IMMP2L: variants seen among roughly 807,000 people sequenced by gnomAD.
IMMP2L encodes the protein mitochondrial inner membrane protease subunit 2.
A neutral mutation model predicts 19.3 loss-of-function variants in IMMP2L; 18 were observed. The observed-to-expected ratio is 0.93, with a 90% confidence interval of 0.64 to 1.38. The LOEUF is 1.38. Among genes scored for constraint, IMMP2L ranks in the 40% most tolerant of loss-of-function variants. The pLI, the probability that IMMP2L is intolerant of heterozygous loss-of-function variation, is 0.00. For synonymous variants in IMMP2L, 76 were observed against 73.0 expected, an observed-to-expected ratio of 1.04 and a Z score of -0.21; for missense variants, 233 against 218.2, an observed-to-expected ratio of 1.07 and a Z score of -0.43.
chr7:111,449,145 T>C (rs1452604516), intron 3 of IMMP2L, among the ~76,000 whole-genome samples: 2 of 148,828 alleles, frequency 1.3e-5, no homozygotes, highest in Non-Finnish European at 3.0e-5. Flanking sequence ...GAGGAACTGG[T>C]ACCATTCCTT....
chr7:111,310,490 T>C lies in IMMP2L; in HGVS notation c.239+176748A>G, dbSNP rs1398974608. 2.6e-5 allele frequency among the ~76,000 whole-genome samples: 4 copies of C among 152,098 alleles called. No individual in the cohort carries two copies. The East Asian group carries it at 5.8e-4, about 22-fold the overall frequency. ...ATTTTTAATTCTGGAAGAGCAATCATCCTAAATTAAGCCAATCAAATACAT... is the reference window on the plus strand; with the variant it reads ...ATTTTTAATTCTGGAAGAGCAATCACCCTAAATTAAGCCAATCAAATACAT... On this transcript the variant is annotated intron_variant, in intron 3 of 5. Transcript: ENST00000405709.
chr7:111,177,074 T>G (rs1357076580), intron 3 of IMMP2L, among the ~76,000 whole-genome samples: 1 of 152,230 alleles, frequency 6.6e-6, no homozygotes, highest in South Asian at 2.1e-4. Context: ...GAAAAAGTAC[T>G]GCACAAAAAT....
intron 5 of IMMP2L, among the ~76,000 whole-genome samples, chr7:110,714,593 TTTGTTTGTTTGC>T (rs1795114880): frequency 6.6e-6 from 1 of 152,028 alleles, no homozygotes; most frequent in Non-Finnish European, 1.5e-5. Flanking sequence ...GCTTTGTTTG[TTTGTTTGTTTGC>T]TTGTTTGTTT....
At chr7:110,744,694 A>G (rs916752048) in intron 5 of IMMP2L, among the ~76,000 whole-genome samples, 34 of 152,218 alleles carry the variant, frequency 2.2e-4, no homozygotes, top group African/African-American at 8.0e-4. Context: ...ACAGATAGGA[A>G]TAGTATCAAC....
At chr7:111,378,267 A>C (rs190935208) in intron 3 of IMMP2L, among the ~76,000 whole-genome samples, 241 of 152,144 alleles carry the variant, frequency 1.6e-3, no homozygotes, top group African/African-American at 5.4e-3. Flanking sequence ...TGTCAACTGT[A>C]TAATGTTTTC....
intron 3 of IMMP2L, among the ~76,000 whole-genome samples, chr7:111,116,877 G>A (rs1318862970): frequency 6.6e-6 from 1 of 152,110 alleles, no homozygotes; most frequent in African/African-American, 2.4e-5. Flanking sequence ...ATAAACATTT[G>A]AGAGAAAGTA....
chr7:111,430,225 CAAAGT>C (rs1836490553), intron 3 of IMMP2L, among the ~76,000 whole-genome samples: 1 of 151,660 alleles, frequency 6.6e-6, no homozygotes, highest in African/African-American at 2.4e-5. Context: ...AAATTAATAA[CAAAGT>C]AAAGAAATAC....
intron 4 of IMMP2L, among the ~76,000 whole-genome samples, chr7:110,926,798 G>A (rs1037707009): frequency 1.3e-5 from 2 of 152,044 alleles, no homozygotes; most frequent in African/African-American, 2.4e-5. Context: ...ACAGATATTG[G>A]TGAGGCCATC....
At chr7:111,125,990 T>G (rs1388014681) in intron 3 of IMMP2L, among the ~76,000 whole-genome samples, 5 of 151,928 alleles carry the variant, frequency 3.3e-5, no homozygotes, top group Non-Finnish European at 7.4e-5. Flanking sequence ...CTCCGGCTAA[T>G]TTTTGTATTT....
intron 4 of IMMP2L, among the ~76,000 whole-genome samples, chr7:110,891,923 A>G (rs1165746100): frequency 6.6e-6 from 1 of 152,196 alleles, no homozygotes; most frequent in African/African-American, 2.4e-5. Context: ...AAAGAGAATA[A>G]AAAGAAACAA....
At chr7:110,912,021 T>C (rs978946211) in intron 4 of IMMP2L, among the ~76,000 whole-genome samples, 6 of 152,096 alleles carry the variant, frequency 3.9e-5, no homozygotes, top group African/African-American at 1.4e-4. Flanking sequence ...ATCAGGCAAC[T>C]ACATTTCAAA....
At chr7:111,184,320 A>T (rs1439343526) in intron 3 of IMMP2L, among the ~76,000 whole-genome samples, 1 of 152,038 alleles carries the variant, frequency 6.6e-6, no homozygotes, top group African/African-American at 2.4e-5. Context: ...GCCAATTTCC[A>T]TCTAAAATGA....
chr7:110,991,768 A>T (rs1822483514), intron 3 of IMMP2L, among the ~76,000 whole-genome samples: 1 of 152,170 alleles, frequency 6.6e-6, no homozygotes. Context: ...CTATGAATCA[A>T]AATACTTAAA....
chr7:110,905,647 A>G (rs1474631399), intron 4 of IMMP2L, among the ~76,000 whole-genome samples: 1 of 152,178 alleles, frequency 6.6e-6, no homozygotes, highest in African/African-American at 2.4e-5. Context: ...AGAGATCATA[A>G]AGTACATCGT....
At chr7:110,909,912 G>A (rs1436207115) in intron 4 of IMMP2L, among the ~76,000 whole-genome samples, 1 of 149,914 alleles carries the variant, frequency 6.7e-6, no homozygotes, top group Non-Finnish European at 1.5e-5. Flanking sequence ...GAGAGAAAGA[G>A]AGAGAGAGAT....
At chr7:111,286,283 C>T (rs1584458042) in intron 3 of IMMP2L, among the ~76,000 whole-genome samples, 1 of 152,228 alleles carries the variant, frequency 6.6e-6, no homozygotes. Flanking sequence ...GACACTGGGA[C>T]AGGACAGTTA....
chr7:110,885,600 G>T (rs956521406), intron 5 of IMMP2L, among the ~76,000 whole-genome samples: 1 of 151,946 alleles, frequency 6.6e-6, no homozygotes, highest in African/African-American at 2.4e-5. Flanking sequence ...CATGGAATGA[G>T]GAACGTCTGC....
At chr7:111,422,978 T>C (rs1835726554) in intron 3 of IMMP2L, among the ~76,000 whole-genome samples, 1 of 151,870 alleles carries the variant, frequency 6.6e-6, no homozygotes, top group Non-Finnish European at 1.5e-5. Flanking sequence ...GAGATAATCA[T>C]GTGGTTTTTG....
intron 4 of IMMP2L, among the ~76,000 whole-genome samples, chr7:110,938,964 G>A (rs748429402): frequency 5.3e-5 from 8 of 151,896 alleles, no homozygotes; most frequent in African/African-American, 7.3e-5. Flanking sequence ...ACTGACTTCC[G>A]GACCACTTCA....
Sources: allele counts gnomAD v4.1 joint callset (sites outside exome capture counted in the v4.1 genomes callset), GRCh38; gene constraint gnomAD v4.1.1; transcripts MANE v1.5; gene names NCBI Gene and HGNC (gene_info 2026-07-23, HGNC 2026-07-21).